ARHGAP39: variants seen among roughly 807,000 people sequenced by gnomAD.
ARHGAP39 encodes the protein rho GTPase-activating protein 39.
ARHGAP39 carries 44 observed loss-of-function variants against 106.9 expected under a neutral mutation model. The observed-to-expected ratio is 0.41, with a 90% confidence interval of 0.32 to 0.53. ARHGAP39 has a LOEUF of 0.53. Ranked by LOEUF, ARHGAP39 falls within the 20% of genes least tolerant of loss-of-function variation. ARHGAP39 has a pLI of 0.21. For synonymous variants in ARHGAP39, 768 were observed against 693.2 expected, an observed-to-expected ratio of 1.11 and a Z score of -1.69; for missense variants, 1,496 against 1,577.3, an observed-to-expected ratio of 0.95 and a Z score of 0.87.
chr8:144,540,826 C>T (rs920627728), intron 6 of ARHGAP39, among the ~76,000 whole-genome samples: 3 of 152,110 alleles, frequency 2.0e-5, no homozygotes, highest in Non-Finnish European at 4.4e-5. Context: ...TTATTTGAAA[C>T]GAAGTCCCTG....
chr8:144,548,038 C>A lies in ARHGAP39; in HGVS notation c.1048G>T (p.Gly350Cys). ...YQAGSPQRSPGRKPRPFLQPN... is the reference protein window; with the variant it reads ...YQAGSPQRSPCRKPRPFLQPN... The stretch of plus-strand genomic sequence containing the variant: ...TGGAGGAACGGCCGGGGCTTACGGC[C>A]CGGCGACCGCTGGGGAGAGCCGGCC... Residue 350 changes from glycine to cysteine, a missense_variant, in exon 5 of 12, where the codon GGC becomes TGC. Transcript: ENST00000377307. This position sits in a 1 kb window ranked among gnomAD's most constrained non-coding sequence, Gnocchi z 7.4. The A allele has an allele frequency of 1.2e-6, 2 of 1,603,950 alleles. No individual in the cohort carries two copies. The highest frequency in any genetic ancestry group is 8.5e-7 in the Non-Finnish European group (1 of 1,176,502).
At chr8:144,676,101 C>T (rs771300245) in intron 1 of ARHGAP39, among the ~76,000 whole-genome samples, 1 of 152,162 alleles carries the variant, frequency 6.6e-6, no homozygotes, top group Admixed American at 6.5e-5. Flanking sequence ...AGATTTAGTG[C>T]GAAGAGCAAA....
rs1409344036 is a variant in ARHGAP39, at chr8:144,547,672, C to T, written c.1414G>A (p.Ala472Thr). The T allele has an allele frequency of 6.4e-7, 1 of 1,565,414 alleles. No individual in the cohort carries two copies. The highest frequency in any genetic ancestry group is 1.3e-5 in the African/African-American group (1 of 74,348). ...PTPLPQAQED[A>T]MSWSSQQDTL... is the part of the protein sequence containing the mutation. ...TCCTGCTGGCTGGACCAGGACATGGCATCCTCCTGGGCCTGTGGCAGCGGC... is the reference window on the plus strand; with the variant it reads ...TCCTGCTGGCTGGACCAGGACATGGTATCCTCCTGGGCCTGTGGCAGCGGC... Residue 472 changes from alanine (A) to threonine (T), a missense_variant, in exon 5 of 12, where the codon GCC becomes ACC. Around this residue, in one of 4 missense-constraint regions of ARHGAP39, gnomAD observed 905 missense variants for 816.4 expected, o/e 1.11. Transcript: ENST00000377307. The surrounding 1 kb of genome is among the most constrained non-coding windows in gnomAD (Gnocchi z 5.2).
At chr8:144,619,963 C>T (rs545955868) in intron 1 of ARHGAP39, among the ~76,000 whole-genome samples, 138 of 124,502 alleles carry the variant, frequency 1.1e-3, no homozygotes, top group African/African-American at 3.9e-3. Flanking sequence ...TGCCTGTGTG[C>T]GTGTGAGCCT....
chr8:144,685,153 AC>A (rs1281539326), intron 1 of ARHGAP39, among the ~76,000 whole-genome samples: 21 of 137,704 alleles, frequency 1.5e-4, no homozygotes, highest in Non-Finnish European at 3.0e-4. Context: ...GCACACTCAC[AC>A]CTCCCTCGGG....
At chr8:144,629,326 G>A (rs369656310) in intron 1 of ARHGAP39, among the ~76,000 whole-genome samples, 4 of 152,180 alleles carry the variant, frequency 2.6e-5, no homozygotes, top group Non-Finnish European at 2.9e-5. Context: ...CTAGCGGGCC[G>A]AAGGCAGAGC....
intron 1 of ARHGAP39, among the ~76,000 whole-genome samples, chr8:144,674,938 G>A (rs1407572510): frequency 6.6e-6 from 1 of 152,208 alleles, no homozygotes; most frequent in African/African-American, 2.4e-5. Flanking sequence ...GGTAGCGGGA[G>A]GAGGCTGGCC....
chr8:144,538,877 T>C (rs752310329), intron 6 of ARHGAP39, among the ~76,000 whole-genome samples: 22 of 152,322 alleles, frequency 1.4e-4, no homozygotes, highest in Middle Eastern at 6.8e-3. Context: ...GGCCTACTTA[T>C]GGATTTTACT....
intron 1 of ARHGAP39, among the ~76,000 whole-genome samples, chr8:144,656,734 G>A (rs1209472613): frequency 6.7e-6 from 1 of 149,252 alleles, no homozygotes; most frequent in African/African-American, 2.5e-5. Flanking sequence ...CTTGAACCCA[G>A]GAGGCAGAGG....
intron 1 of ARHGAP39, among the ~76,000 whole-genome samples, chr8:144,607,068 G>A (rs1256476643): frequency 6.6e-6 from 1 of 151,032 alleles, no homozygotes; most frequent in African/African-American, 2.4e-5. Flanking sequence ...ATGTGTGTGT[G>A]TAATCTGACA....
chr8:144,577,239 C>T (rs571218522), intron 3 of ARHGAP39, among the ~76,000 whole-genome samples: 1 of 152,256 alleles, frequency 6.6e-6, no homozygotes, highest in South Asian at 2.1e-4. Context: ...TTCAAAAGCA[C>T]ACAGATGCTG....
chr8:144,621,019 A>T (rs1228117213), intron 1 of ARHGAP39, among the ~76,000 whole-genome samples: 1 of 152,258 alleles, frequency 6.6e-6, no homozygotes, highest in African/African-American at 2.4e-5. Context: ...CAGGAGGCAC[A>T]TGGTTGGAGG....
At chr8:144,612,823 AGCCG>A (rs574601383) in intron 1 of ARHGAP39, among the ~76,000 whole-genome samples, 185 of 152,326 alleles carry the variant, frequency 1.2e-3, no homozygotes, top group African/African-American at 4.3e-3. Context: ...ACTGCACTCC[AGCCG>A]GGGCAACAGA....
At chr8:144,536,021 C>T (rs1169138265) in intron 7 of ARHGAP39, among the ~76,000 whole-genome samples, 1 of 152,224 alleles carries the variant, frequency 6.6e-6, no homozygotes, top group South Asian at 2.1e-4. Flanking sequence ...TGCACTCACG[C>T]TGCCTCAGGC....
intron 1 of ARHGAP39, among the ~76,000 whole-genome samples, chr8:144,653,176 A>AT (rs1202312565): frequency 1.3e-5 from 2 of 152,118 alleles, no homozygotes; most frequent in African/African-American, 4.8e-5. Context: ...TGTGCCTGTA[A>AT]TCCCAGCTAC....
intron 7 of ARHGAP39, among the ~76,000 whole-genome samples, chr8:144,537,111 G>C (rs1816987321): frequency 6.6e-6 from 1 of 152,146 alleles, no homozygotes; most frequent in African/African-American, 2.4e-5. Flanking sequence ...GCACAGCCCT[G>C]GGTTCACAGG....
At chr8:144,686,129 A>G (rs1490636932), upstream of ARHGAP39, among the ~76,000 whole-genome samples, 1 of 150,500 alleles carries the variant, frequency 6.6e-6, no homozygotes, top group Non-Finnish European at 1.5e-5. Flanking sequence ...TTACCATCTG[A>G]CACGTCTCGG....
intron 1 of ARHGAP39, among the ~76,000 whole-genome samples, chr8:144,614,439 G>A (rs1820581419): frequency 1.3e-5 from 2 of 150,270 alleles, no homozygotes; most frequent in African/African-American, 4.9e-5. Flanking sequence ...TGCAACCTCC[G>A]CCTCCCGGGT....
intron 1 of ARHGAP39, among the ~76,000 whole-genome samples, chr8:144,672,140 G>A (rs926447611): frequency 2.0e-5 from 3 of 152,230 alleles, no homozygotes; most frequent in African/African-American, 7.2e-5. Context: ...GAAAATAAAA[G>A]GTCAACACAG....
Sources: allele counts gnomAD v4.1 joint callset (sites outside exome capture counted in the v4.1 genomes callset), GRCh38; gene constraint gnomAD v4.1.1; regional missense constraint gnomAD v4.1.1; non-coding constraint Gnocchi (gnomAD v3.1); transcripts MANE v1.5; gene names NCBI Gene and HGNC (gene_info 2026-07-23, HGNC 2026-07-21).